EYS: variants seen among roughly 807,000 people sequenced by gnomAD.
EYS encodes protein eyes shut homolog.
EYS carries 250 observed loss-of-function variants against 282.1 expected under a neutral mutation model. The ratio of observed to expected loss-of-function variants is 0.89; its 90% confidence interval spans 0.80 to 0.98. EYS has a LOEUF of 0.98. Ranked by LOEUF, EYS falls within the 50% of genes least tolerant of loss-of-function variation. The pLI is 0.00. For missense variants in EYS, 4,016 were observed against 3,709.0 expected (o/e 1.08, Z -2.15); for synonymous variants, 1,355 against 1,282.9 (o/e 1.06, Z -1.20).
At chr6:64,312,967 C>T (rs1054627287) in intron 29 of EYS, among the ~76,000 whole-genome samples, 1 of 64,682 alleles carries the variant, frequency 1.5e-5, no homozygotes, top group South Asian at 5.9e-4. Context: ...AACCAGAATG[C>T]CTCTTCTTCT....
chr6:65,269,581 G>C (rs1468569678), intron 12 of EYS, among the ~76,000 whole-genome samples: 2 of 152,134 alleles, frequency 1.3e-5, no homozygotes, highest in East Asian at 1.9e-4. Flanking sequence ...CACTCATGGA[G>C]ACTGTCTTAA....
At chr6:64,166,633 C>T (rs1764299401) in intron 31 of EYS, among the ~76,000 whole-genome samples, 1 of 152,168 alleles carries the variant, frequency 6.6e-6, no homozygotes, top group South Asian at 2.1e-4. Context: ...TCCAAATCAG[C>T]TGTGTGCAGG....
At chr6:63,750,444 C>G (rs976107762) in intron 41 of EYS, among the ~76,000 whole-genome samples, 1 of 152,106 alleles carries the variant, frequency 6.6e-6, no homozygotes, top group Non-Finnish European at 1.5e-5. Context: ...CCTCTCAAAC[C>G]CTTCTAATCT....
chr6:65,416,677 T>C (rs1365439593), intron 5 of EYS, among the ~76,000 whole-genome samples: 1 of 151,986 alleles, frequency 6.6e-6, no homozygotes, highest in Non-Finnish European at 1.5e-5. Flanking sequence ...TGATGAAGTG[T>C]CAAAAATTTC....
In EYS at chr6:64,948,209, T is replaced by C. The variant is rs1769357080; in HGVS notation, c.2260-2295A>G. Among the ~76,000 whole-genome samples, 2 of 151,282 alleles carry C rather than the reference T, an allele frequency of 1.3e-5. 1 individual carries two copies. The highest frequency in any genetic ancestry group is 4.1e-4 in the South Asian group (2 of 4,826). On this transcript the variant is annotated intron_variant, in intron 14 of 42. Transcript: ENST00000503581. Reference sequence around the variant, plus strand: ...AATTTAAAAAATTAAAATTTAAAGATGTAAATGATGAAGAGAACAAAAGTG... The same window carrying C: ...AATTTAAAAAATTAAAATTTAAAGACGTAAATGATGAAGAGAACAAAAGTG...
At chr6:64,880,137 A>G (rs1766869023) in intron 19 of EYS, among the ~76,000 whole-genome samples, 1 of 151,970 alleles carries the variant, frequency 6.6e-6, no homozygotes, top group Admixed American at 6.6e-5. Flanking sequence ...CAGGGCCCTC[A>G]TTACACACAG....
chr6:64,416,037 C>T (rs1381806777), intron 28 of EYS, among the ~76,000 whole-genome samples: 2 of 152,092 alleles, frequency 1.3e-5, no homozygotes, highest in Non-Finnish European at 2.9e-5. Context: ...TGTGCTATTC[C>T]AAAAGAAGTT....
chr6:64,412,069 A>G (rs1267790167), intron 28 of EYS, among the ~76,000 whole-genome samples: 1 of 147,626 alleles, frequency 6.8e-6, no homozygotes, highest in East Asian at 2.0e-4. Flanking sequence ...TTAATACTTC[A>G]TTACTAGATT....
intron 29 of EYS, among the ~76,000 whole-genome samples, chr6:64,316,175 T>C (rs1008600495): frequency 6.6e-6 from 1 of 152,182 alleles, no homozygotes; most frequent in Non-Finnish European, 1.5e-5. Flanking sequence ...GGATGCCCTC[T>C]CTCACCACAC....
intron 12 of EYS, among the ~76,000 whole-genome samples, chr6:65,199,325 A>T (rs1341326524): frequency 6.6e-6 from 1 of 152,154 alleles, no homozygotes; most frequent in Admixed American, 6.6e-5. Flanking sequence ...ACAGGAGGTG[A>T]GTCAAATTGG....
At chr6:64,391,994 G>C (rs1366288634) in intron 28 of EYS, among the ~76,000 whole-genome samples, 3 of 151,746 alleles carry the variant, frequency 2.0e-5, no homozygotes, top group Non-Finnish European at 4.4e-5. Context: ...TGATAAAACA[G>C]ACTTTAAACC....
intron 31 of EYS, among the ~76,000 whole-genome samples, chr6:64,220,653 G>A (rs912464286): frequency 3.3e-5 from 5 of 152,106 alleles, no homozygotes; most frequent in Admixed American, 2.0e-4. Context: ...AACATGACTC[G>A]AACAGAGAAA....
chr6:64,946,912 T>A (rs1472267204), intron 14 of EYS, among the ~76,000 whole-genome samples: 1 of 151,972 alleles, frequency 6.6e-6, no homozygotes, highest in African/African-American at 2.4e-5. Context: ...TAGCTTTTTG[T>A]AGTGGCTACT....
At chr6:64,346,324 T>C (rs1207848950) in intron 29 of EYS, among the ~76,000 whole-genome samples, 1 of 152,030 alleles carries the variant, frequency 6.6e-6, no homozygotes, top group Non-Finnish European at 1.5e-5. Context: ...AATGATAGAC[T>C]GGATTAAGAA....
intron 9 of EYS, among the ~76,000 whole-genome samples, chr6:65,344,552 AGTGACCTATATTCAAGAGAAT>A (rs1367711162): frequency 2.0e-5 from 3 of 151,686 alleles, no homozygotes; most frequent in Non-Finnish European, 3.0e-5. Flanking sequence ...AGAAGAAAGA[AGTGACCTATATTCAAGAGAAT>A]GTGACCTATA....
At chr6:65,477,247 C>A (rs1765445469) in intron 5 of EYS, among the ~76,000 whole-genome samples, 2 of 152,076 alleles carry the variant, frequency 1.3e-5, no homozygotes, top group African/African-American at 2.4e-5. Context: ...GAAAAATAAG[C>A]TTATGGCACT....
intron 26 of EYS, among the ~76,000 whole-genome samples, chr6:64,457,715 A>G (rs370711700): frequency 6.6e-6 from 1 of 151,856 alleles, no homozygotes; most frequent in Non-Finnish European, 1.5e-5. Flanking sequence ...ATCTTTTTTC[A>G]GTTCTTCATT....
chr6:65,665,916 A>T (rs1768182558), intron 1 of EYS, among the ~76,000 whole-genome samples: 1 of 152,002 alleles, frequency 6.6e-6, no homozygotes, highest in Non-Finnish European at 1.5e-5. Flanking sequence ...ACTCCCAGTT[A>T]TTTGTGTCAA....
intron 35 of EYS, among the ~76,000 whole-genome samples, chr6:63,933,043 T>C (rs1764944708): frequency 6.6e-6 from 1 of 152,110 alleles, no homozygotes; most frequent in African/African-American, 2.4e-5. Flanking sequence ...ATAAAGGACA[T>C]TACAAAGGAT....
Sources: gnomAD v4.1 joint callset for allele counts (sites outside exome capture counted in the v4.1 genomes callset) on GRCh38, gnomAD v4.1.1 for gene constraint, MANE v1.5 for transcripts, NCBI Gene and HGNC (gene_info 2026-07-23, HGNC 2026-07-21) for gene names.